ASIC2: variants seen among roughly 807,000 people sequenced by gnomAD.
ASIC2 encodes the protein acid sensing ion channel subunit 2, also known as acid-sensing ion channel 2.
Under a neutral mutation model 57.3 loss-of-function variants are expected in ASIC2, and 25 were observed. That is an observed-to-expected ratio of 0.44 (90% CI 0.32 to 0.61). ASIC2 has a LOEUF of 0.61. Ranked by LOEUF, ASIC2 falls within the 20% of genes least tolerant of loss-of-function variation. The probability of loss-of-function intolerance (pLI) is 0.06; values close to 1 mark genes in which losing one functional copy is unlikely to be tolerated. For missense variants in ASIC2, 641 were observed against 738.1 expected (o/e 0.87, Z 1.52); for synonymous variants, 319 against 307.5 (o/e 1.04, Z -0.39).
At chr17:33,696,342 G>A (rs557191448) in intron 1 of ASIC2, among the ~76,000 whole-genome samples, 1 of 152,212 alleles carries the variant, frequency 6.6e-6, no homozygotes, top group Non-Finnish European at 1.5e-5. Flanking sequence ...AACAGTGCTG[G>A]AGGCTCTCTT....
At chr17:33,797,043 A>T (rs1041585185) in intron 1 of ASIC2, among the ~76,000 whole-genome samples, 1 of 152,218 alleles carries the variant, frequency 6.6e-6, no homozygotes, top group Non-Finnish European at 1.5e-5. Context: ...GTTATGGGGC[A>T]TGCAGATCCA....
chr17:33,250,069 A>G (rs1908828457), intron 1 of ASIC2, among the ~76,000 whole-genome samples: 2 of 152,122 alleles, frequency 1.3e-5, no homozygotes, highest in Admixed American at 1.3e-4. Flanking sequence ...TGACAGTTCT[A>G]TCTGTGTCGA....
At chr17:33,330,303 C>T (rs1195205529) in intron 1 of ASIC2, among the ~76,000 whole-genome samples, 1 of 152,144 alleles carries the variant, frequency 6.6e-6, no homozygotes, top group African/African-American at 2.4e-5. Context: ...CCTACAGTCT[C>T]CCAAGTTTCC....
At chr17:33,236,625 G>A (rs1038645535) in intron 1 of ASIC2, among the ~76,000 whole-genome samples, 14 of 152,182 alleles carry the variant, frequency 9.2e-5, no homozygotes, top group Admixed American at 5.9e-4. Flanking sequence ...ACAGGTGCAT[G>A]CCACCATGCC....
At chr17:34,026,577 G>C (rs1371057590) in intron 1 of ASIC2, among the ~76,000 whole-genome samples, 1 of 152,084 alleles carries the variant, frequency 6.6e-6, no homozygotes, top group Non-Finnish European at 1.5e-5. Context: ...CAATAAAAGT[G>C]GTTCTTTTAA....
chr17:33,373,752 A>C (rs1909173641), intron 1 of ASIC2, among the ~76,000 whole-genome samples: 1 of 151,806 alleles, frequency 6.6e-6, no homozygotes, highest in African/African-American at 2.4e-5. Flanking sequence ...ATCTTGGCTC[A>C]CTGCAATCTC....
chr17:33,374,226 C>T (rs1052958942), intron 1 of ASIC2, among the ~76,000 whole-genome samples: 6 of 152,070 alleles, frequency 3.9e-5, no homozygotes, highest in Admixed American at 3.9e-4. Flanking sequence ...GAACTCCTGA[C>T]CTCAGGTGAT....
At chr17:33,759,881 C>A (rs973619940) in intron 1 of ASIC2, among the ~76,000 whole-genome samples, 8 of 152,080 alleles carry the variant, frequency 5.3e-5, no homozygotes, top group Non-Finnish European at 1.0e-4. Context: ...GCCTGGTGAC[C>A]CAGGCAGAGA....
intron 1 of ASIC2, among the ~76,000 whole-genome samples, chr17:34,122,786 G>C (rs1911664619): frequency 6.6e-6 from 1 of 152,166 alleles, no homozygotes; most frequent in African/African-American, 2.4e-5. Flanking sequence ...AACACAAGCT[G>C]CTCAGGGAGA....
At chr17:33,573,429 C>T (rs1454584247) in intron 1 of ASIC2, among the ~76,000 whole-genome samples, 1 of 152,210 alleles carries the variant, frequency 6.6e-6, no homozygotes, top group Non-Finnish European at 1.5e-5. Context: ...AACTCCCCAT[C>T]TACCTTCCCT....
At chr17:33,687,686 A>G (rs1416608036) in intron 1 of ASIC2, among the ~76,000 whole-genome samples, 2 of 152,228 alleles carry the variant, frequency 1.3e-5, no homozygotes, top group Non-Finnish European at 2.9e-5. Flanking sequence ...TCTCCTCTGC[A>G]GCCAGAGAAT....
At chr17:33,066,112 C>A (rs1028642986) in intron 3 of ASIC2, among the ~76,000 whole-genome samples, 4 of 152,202 alleles carry the variant, frequency 2.6e-5, no homozygotes, top group African/African-American at 9.7e-5. Flanking sequence ...ATGAACCCAT[C>A]TCCAGCGAGT....
intron 1 of ASIC2, among the ~76,000 whole-genome samples, chr17:34,121,054 C>A (rs1254446963): frequency 6.6e-6 from 1 of 151,946 alleles, no homozygotes; most frequent in East Asian, 1.9e-4. Flanking sequence ...CTGGTGTCCT[C>A]CTAATAAGAG....
At chr17:33,559,050 G>A (rs984817419) in intron 1 of ASIC2, among the ~76,000 whole-genome samples, 2 of 152,142 alleles carry the variant, frequency 1.3e-5, no homozygotes, top group Non-Finnish European at 2.9e-5. Context: ...GAGCCACCAT[G>A]CCTGGCTGAC....
intron 1 of ASIC2, among the ~76,000 whole-genome samples, chr17:33,377,748 C>T (rs529525351): frequency 2.0e-5 from 3 of 152,318 alleles, no homozygotes; most frequent in African/African-American, 7.2e-5. Flanking sequence ...GTCTTCTCAA[C>T]CCCTAGCTCC....
chr17:33,728,574 C>A (rs866990378), intron 1 of ASIC2, among the ~76,000 whole-genome samples: 3 of 152,088 alleles, frequency 2.0e-5, no homozygotes, highest in African/African-American at 7.2e-5. Context: ...TTGGTTTTCT[C>A]TGGGCATACC....
intron 1 of ASIC2, among the ~76,000 whole-genome samples, chr17:33,624,855 A>C (rs1210216374): frequency 6.6e-6 from 1 of 152,250 alleles, no homozygotes; most frequent in Non-Finnish European, 1.5e-5. Flanking sequence ...CATCCATCAT[A>C]CATCTGTTCA....
At chr17:33,915,041 G>A (rs923137305) in intron 1 of ASIC2, among the ~76,000 whole-genome samples, 14 of 152,198 alleles carry the variant, frequency 9.2e-5, no homozygotes, top group Admixed American at 6.5e-4. Flanking sequence ...GCGTACGCAG[G>A]CAACATATGA....
intron 1 of ASIC2, among the ~76,000 whole-genome samples, chr17:34,144,012 T>A (rs1912346918): frequency 6.6e-6 from 1 of 152,210 alleles, no homozygotes; most frequent in Non-Finnish European, 1.5e-5. Context: ...GAGGATCAAA[T>A]AGCATCTTAG....
Sources: gnomAD v4.1 joint callset for allele counts (sites outside exome capture counted in the v4.1 genomes callset) on GRCh38, gnomAD v4.1.1 for gene constraint, MANE v1.5 for transcripts, NCBI Gene and HGNC (gene_info 2026-07-23, HGNC 2026-07-21) for gene names.